The following TSPAN11 variants were observed in gnomAD, a reference collection of about 807,000 sequenced individuals.
TSPAN11 encodes the protein tetraspanin-11.
In TSPAN11, 29 loss-of-function variants were observed where a neutral mutation model predicts 32.9. The ratio of observed to expected loss-of-function variants is 0.88; its 90% CI spans 0.66 to 1.20. The LOEUF (loss-of-function observed/expected upper bound fraction) is 1.20. TSPAN11 is among the 50% of genes most tolerant of loss of function. TSPAN11 has a pLI of 0.00. For missense variants in TSPAN11, 283 were observed against 329.1 expected (o/e 0.86, Z 1.08); for synonymous variants, 140 against 141.3 (o/e 0.99, Z 0.07).
At chr12:31,014,768 T>C in the TSPAN11 span, among the ~76,000 whole-genome samples, 1 of 152,220 alleles carries the variant, frequency 6.6e-6, no homozygotes, top group Admixed American at 6.5e-5. Context: ...ATACATCATG[T>C]CAATTGTTTG....
chr12:30,999,182 C>G (rs944771884), downstream of TSPAN11: 1 of 152,166 alleles, frequency 6.6e-6, no homozygotes, highest in African/African-American at 2.4e-5. Flanking sequence ...CATGGTGGCA[C>G]ATACCTGTGG....
At chr12:30,944,000 G>A (rs1222472240) in intron 1 of TSPAN11, among the ~76,000 whole-genome samples, 1 of 152,158 alleles carries the variant, frequency 6.6e-6, no homozygotes, top group East Asian at 1.9e-4. Context: ...ACCTCTTGTT[G>A]GCCAAGAACT....
intron 1 of TSPAN11, among the ~76,000 whole-genome samples, chr12:30,948,917 A>G (rs1938323171): frequency 6.6e-6 from 1 of 152,192 alleles, no homozygotes; most frequent in Non-Finnish European, 1.5e-5. Context: ...ATAGCACCCA[A>G]GTCATCTCTT....
intron 1 of TSPAN11, among the ~76,000 whole-genome samples, chr12:30,935,258 G>A (rs111478420): frequency 2.6e-5 from 4 of 152,106 alleles, no homozygotes; most frequent in African/African-American, 9.7e-5. Context: ...AGAAGACTGG[G>A]GAAATTATCA....
At chr12:31,009,296 GCCGACCCC>G in the TSPAN11 span, among the ~76,000 whole-genome samples, 5 of 152,304 alleles carry the variant, frequency 3.3e-5, no homozygotes, top group Non-Finnish European at 5.9e-5. Context: ...CTCCAGGCCT[GCCGACCCC>G]CTATTGCTCT....
intron 1 of TSPAN11, among the ~76,000 whole-genome samples, chr12:30,952,366 C>T (rs1472155318): frequency 6.6e-6 from 1 of 152,174 alleles, no homozygotes; most frequent in Non-Finnish European, 1.5e-5. Flanking sequence ...CCGACCCCAT[C>T]CACGGACATT....
rs117847075 is a variant in TSPAN11, at chr12:30,982,871, T to C, written c.615+181T>C. Among the ~76,000 whole-genome samples the C allele has an allele frequency of 6.6e-3, 1,008 of 152,286 alleles. 18 individuals carry two copies. The East Asian group carries it at 0.077, about 12-fold the overall frequency. ...TCTACAAAGCCCTGGGACAAGCAGC[T>C]CATACCGGAGAGTATAGGACACCAT... On this transcript the variant is annotated intron_variant, in intron 6 of 7. Transcript: ENST00000546076.
chr12:30,989,168 G>T (rs1371877976), intron 7 of TSPAN11, among the ~76,000 whole-genome samples: 2 of 152,234 alleles, frequency 1.3e-5, no homozygotes, highest in Non-Finnish European at 2.9e-5. Context: ...GAAGGAAGGG[G>T]ACAGGTAAGT....
the TSPAN11 span, among the ~76,000 whole-genome samples, chr12:31,007,201 T>C: frequency 3.3e-5 from 5 of 152,260 alleles, no homozygotes; most frequent in South Asian, 4.1e-4. Context: ...CCATTTTTTT[T>C]CCCCACTGTA....
At chr12:30,928,489 A>G (rs756511210) in intron 1 of TSPAN11, among the ~76,000 whole-genome samples, 1 of 152,196 alleles carries the variant, frequency 6.6e-6, no homozygotes, top group African/African-American at 2.4e-5. Flanking sequence ...ATCAAAAGTC[A>G]TGCACAGACG....
the TSPAN11 span, among the ~76,000 whole-genome samples, chr12:31,007,648 G>C: frequency 6.6e-6 from 1 of 152,086 alleles, no homozygotes; most frequent in African/African-American, 2.4e-5. Context: ...CAAATGCTAG[G>C]GCTCAGCACT....
chr12:30,926,799 A>C lies in TSPAN11; in HGVS notation c.-12+3A>C. On this transcript the variant is annotated splice_donor_region_variant and intron_variant, in intron 1 of 7. Coordinates refer to ENST00000546076, the MANE Select transcript of TSPAN11 (RefSeq NM_001370302.1). Reference sequence around the variant, plus strand: ...CCGCTTCCGGAGCCCCTGGCAGGGTAAGTGCAGAAGCGCGCCCGAGGAGTG... The same window carrying C: ...CCGCTTCCGGAGCCCCTGGCAGGGTCAGTGCAGAAGCGCGCCCGAGGAGTG... 1 of 406,536 alleles carries C rather than the reference A, an allele frequency of 2.5e-6. No homozygotes were observed. The highest frequency in any genetic ancestry group is 4.0e-6 in the Non-Finnish European group (1 of 252,438). 25.2% of individuals were successfully genotyped at this position (406,536 alleles called of 1,614,324 possible).
chr12:30,943,193 C>T (rs571603804), intron 1 of TSPAN11, among the ~76,000 whole-genome samples: 3 of 152,296 alleles, frequency 2.0e-5, no homozygotes, highest in East Asian at 3.9e-4. Flanking sequence ...CTGCCCAGGG[C>T]AGATCCCCTC....
rs569207086 is a variant in TSPAN11, at chr12:30,993,657, G to T, written c.*1742G>T. On this transcript the variant is annotated 3_prime_UTR_variant, in exon 8 of 8. Transcript: ENST00000546076. ...AGAGAAATGGTATAGTGCGTGATTA[G>T]CATTGCTGCCCTCCAACCTCCTGGG... The T allele has an allele frequency of 2.6e-5, 4 of 152,360 alleles. No individual in the cohort carries two copies. The highest frequency in any genetic ancestry group is 9.6e-5 in the African/African-American group (4 of 41,578). The allele number at this position is 152,360 out of a possible 1,614,324, so 9.4% of individuals were successfully genotyped here.
the TSPAN11 span, among the ~76,000 whole-genome samples, chr12:31,005,560 A>C: frequency 2.0e-5 from 3 of 152,200 alleles, no homozygotes; most frequent in Non-Finnish European, 4.4e-5. Flanking sequence ...GCAGGCATCC[A>C]GGTGCCCCGT....
At chr12:30,960,965 G>A (rs146334452) in intron 2 of TSPAN11, among the ~76,000 whole-genome samples, 1,981 of 151,642 alleles carry the variant, frequency 0.013, 67 homozygotes, top group African/African-American at 0.044. Context: ...CTTGAACCTG[G>A]GAGGTGGAGG....
Position 30,975,893 on chromosome 12 carries a change from G to C in TSPAN11, c.277-2668G>C, listed in dbSNP as rs1938960440. 1.3e-5 allele frequency among the ~76,000 whole-genome samples: 2 copies of C among 152,190 alleles called. No individual in the cohort carries two copies. The highest frequency in any genetic ancestry group is 1.5e-5 in the Non-Finnish European group (1 of 68,028). On this transcript the variant is annotated intron_variant, in intron 3 of 7. Transcript: ENST00000546076. This position sits in a 1 kb window ranked among gnomAD's most constrained non-coding sequence, Gnocchi z 4.5. Reference sequence around the variant, plus strand: ...CCCCAGAGGTCTCTGGGAGCCACTGGCATCAATGCCTTCAGGTCCTGTGCA... The same window carrying C: ...CCCCAGAGGTCTCTGGGAGCCACTGCCATCAATGCCTTCAGGTCCTGTGCA...
At chr12:30,962,241 A>C (rs1299052456) in intron 2 of TSPAN11, among the ~76,000 whole-genome samples, 2 of 150,222 alleles carry the variant, frequency 1.3e-5, no homozygotes, top group East Asian at 3.9e-4. Flanking sequence ...TGGCTCTTCC[A>C]CCTGGTGGAG....
rs557658780 is a variant in TSPAN11 at position 30,934,448 on chromosome 12, A to G, written c.-12+7652A>G. ...GAGACTGGGAAGGAAAAGAGGTTTA[A>G]TTGGACTTACAGTTCCACATGGCTG... is the stretch of plus-strand genomic sequence containing the variant. On this transcript the variant is annotated intron_variant, in intron 1 of 7. Coordinates refer to ENST00000546076, the MANE Select transcript of TSPAN11 (RefSeq NM_001370302.1). 2.0e-5 allele frequency among the ~76,000 whole-genome samples: 3 copies of G among 152,274 alleles called. No homozygotes were observed. In the East Asian group the frequency reaches 5.8e-4, roughly 29 times the overall value.
Sources: gnomAD v4.1 joint callset for allele counts (sites outside exome capture counted in the v4.1 genomes callset) on GRCh38, gnomAD v4.1.1 for gene constraint, Gnocchi (gnomAD v3.1) non-coding constraint, MANE v1.5 for transcripts, NCBI Gene and HGNC (gene_info 2026-07-23, HGNC 2026-07-21) for gene names.